Variants in SCAPER observed in about 807,000 individuals in gnomAD.
SCAPER encodes the protein S-phase cyclin A associated protein in the ER, also known as S phase cyclin A-associated protein in the endoplasmic reticulum.
Under a neutral mutation model 182.2 loss-of-function variants are expected in SCAPER, and 98 were observed. The observed-to-expected ratio is 0.54, with a 90% CI of 0.46 to 0.64. SCAPER has a LOEUF of 0.64. Ranked by LOEUF, SCAPER falls within the 30% of genes least tolerant of loss-of-function variation. The pLI is 0.00. For synonymous variants in SCAPER, 605 were observed against 564.6 expected (o/e 1.07, Z -1.01); for missense variants, 1,432 against 1,690.0 (o/e 0.85, Z 2.68).
intron 27 of SCAPER, among the ~76,000 whole-genome samples, chr15:76,388,623 T>C (rs182077225): frequency 6.6e-6 from 1 of 152,264 alleles, no homozygotes; most frequent in Non-Finnish European, 1.5e-5. Context: ...TAAGATTCTG[T>C]TCAATTCTGG....
intron 2 of SCAPER, among the ~76,000 whole-genome samples, chr15:76,867,928 T>G (rs2072413945): frequency 6.6e-6 from 1 of 151,946 alleles, no homozygotes; most frequent in Admixed American, 6.6e-5. Flanking sequence ...CTGGGTTTGC[T>G]TTTTTTTAAG....
chr15:76,359,183 T>C (rs1378904467), intron 29 of SCAPER, among the ~76,000 whole-genome samples: 1 of 152,188 alleles, frequency 6.6e-6, no homozygotes, highest in Admixed American at 6.5e-5. Context: ...GCTTCCTAAA[T>C]GCTTTCCATC....
intron 22 of SCAPER, among the ~76,000 whole-genome samples, chr15:76,579,677 T>C (rs527713029): frequency 1.3e-5 from 2 of 152,228 alleles, no homozygotes; most frequent in East Asian, 3.9e-4. Context: ...TCCTTACTTA[T>C]CAATAACTGG....
intron 21 of SCAPER, among the ~76,000 whole-genome samples, chr15:76,652,210 G>A (rs1227647040): frequency 2.9e-4 from 32 of 110,620 alleles, no homozygotes; most frequent in South Asian, 2.3e-3. Flanking sequence ...TTGAGGTCAT[G>A]AGTTCGAGAC....
At chr15:76,600,043 T>C (rs1210430007) in intron 22 of SCAPER, among the ~76,000 whole-genome samples, 2 of 121,316 alleles carry the variant, frequency 1.6e-5, no homozygotes, top group African/African-American at 2.5e-5. Flanking sequence ...GATGGATTGA[T>C]AATGGATAAA....
chr15:76,756,541 C>T (rs1405783543), intron 14 of SCAPER, among the ~76,000 whole-genome samples: 1 of 152,106 alleles, frequency 6.6e-6, no homozygotes, highest in Non-Finnish European at 1.5e-5. Context: ...TGCATCACTG[C>T]ACTCCATGCT....
At chr15:76,692,372 C>T (rs747852921) in intron 20 of SCAPER, among the ~76,000 whole-genome samples, 2 of 152,000 alleles carry the variant, frequency 1.3e-5, no homozygotes, top group African/African-American at 2.4e-5. Context: ...TAATGAGCCA[C>T]GTATTCACCT....
chr15:76,441,841 GC>G (rs1446636698), intron 25 of SCAPER, among the ~76,000 whole-genome samples: 2 of 151,952 alleles, frequency 1.3e-5, no homozygotes, highest in Non-Finnish European at 2.9e-5. Context: ...CAGAATATAA[GC>G]TCCACGAGAG....
Position 76,787,828 on chromosome 15 carries a change from A to G in SCAPER, c.772+7452T>C, listed in dbSNP as rs575155252. On this transcript the variant is annotated intron_variant, in intron 8 of 31. Transcript: ENST00000563290. ...ACAATGAATTCTTAGACTTGATGAC[A>G]AAAGTATGATCTATTAAAAAAAAAC... Among the ~76,000 whole-genome samples, 227 of 152,304 alleles carry G rather than the reference A, an allele frequency of 1.5e-3. 3 individuals are homozygous for G. Among genetic ancestry groups the G allele is most frequent in the Non-Finnish European group, 2.1e-4 (14 of 68,024 alleles).
At chr15:76,512,379 C>A (rs901943562) in intron 23 of SCAPER, among the ~76,000 whole-genome samples, 1 of 152,014 alleles carries the variant, frequency 6.6e-6, no homozygotes, top group Non-Finnish European at 1.5e-5. Context: ...ACTTCCTTAA[C>A]AACCATTAAG....
intron 17 of SCAPER, among the ~76,000 whole-genome samples, chr15:76,720,666 T>C (rs1035773945): frequency 2.0e-5 from 3 of 152,238 alleles, no homozygotes; most frequent in Non-Finnish European, 2.9e-5. Flanking sequence ...GATTTGCATT[T>C]CTCTGATGGA....
At chr15:76,487,971 T>A (rs1209753190) in intron 24 of SCAPER, among the ~76,000 whole-genome samples, 1 of 152,290 alleles carries the variant, frequency 6.6e-6, no homozygotes, top group East Asian at 1.9e-4. Context: ...TCAATACTAC[T>A]GGGGTGGTCA....
chr15:76,790,097 G>A (rs1338071117), intron 8 of SCAPER, among the ~76,000 whole-genome samples: 1 of 152,074 alleles, frequency 6.6e-6, no homozygotes, highest in Admixed American at 6.6e-5. Context: ...CAGGCGTGGT[G>A]GCGGGCGCCT....
In SCAPER at chr15:76,703,105, T is replaced by G. The variant is rs555457844; in HGVS notation, c.2248-103A>C. ...TTAAAACTTCAAAAATAATAGAATGTCGTTTCTATGACAACTTACACACTG... is the reference window on the plus strand; with the variant it reads ...TTAAAACTTCAAAAATAATAGAATGGCGTTTCTATGACAACTTACACACTG... On this transcript the variant is annotated intron_variant, in intron 18 of 31. Transcript: ENST00000563290. 4 of 1,287,056 alleles carry G rather than the reference T, an allele frequency of 3.1e-6. No homozygotes were observed. In the African/African-American group the frequency reaches 6.0e-5, roughly 19 times the overall value. The allele number at this position is 1,287,056 out of a possible 1,614,324, so 79.7% of individuals were successfully genotyped here.
intron 20 of SCAPER, among the ~76,000 whole-genome samples, chr15:76,697,885 C>T (rs1448489862): frequency 2.6e-5 from 4 of 152,090 alleles, no homozygotes; most frequent in Non-Finnish European, 5.9e-5. Flanking sequence ...GGTGATCCAC[C>T]CACCTCAGCC....
intron 29 of SCAPER, among the ~76,000 whole-genome samples, chr15:76,363,918 T>C (rs2041627919): frequency 6.6e-6 from 1 of 152,198 alleles, no homozygotes; most frequent in Non-Finnish European, 1.5e-5. Flanking sequence ...ACCAAGTTTG[T>C]CACACCTGAA....
At chr15:76,904,703 C>CA (rs1394422189) in intron 1 of SCAPER, 2 of 152,376 alleles carry the variant, frequency 1.3e-5, no homozygotes, top group African/African-American at 2.4e-5. Context: ...CCACTACTCC[C>CA]AGGTGCGAGA....
In SCAPER at chr15:76,488,062, C is replaced by T. The variant is rs957358793; in HGVS notation, c.2955-16727G>A. On this transcript the variant is annotated intron_variant, in intron 24 of 31. Coordinates refer to ENST00000563290, the MANE Select transcript of SCAPER (RefSeq NM_020843.4). ...TCCCACCCCCAAGATAAAATACCTT[C>T]TGAATTTGTAATAATATTTCAAACT... Among the ~76,000 whole-genome samples, 10 of 152,164 alleles carry T rather than the reference C, an allele frequency of 6.6e-5. 1 individual carries two copies. Among genetic ancestry groups the T allele is most frequent in the Admixed American group, 4.6e-4 (7 of 15,276 alleles).
At chr15:76,820,410 C>T (rs375830380) in intron 5 of SCAPER, among the ~76,000 whole-genome samples, 2 of 151,768 alleles carry the variant, frequency 1.3e-5, no homozygotes, top group South Asian at 2.1e-4. Context: ...TATGCAGCCA[C>T]AAAAAATGAT....
Sources: gnomAD v4.1 joint callset for allele counts (sites outside exome capture counted in the v4.1 genomes callset) on GRCh38, gnomAD v4.1.1 for gene constraint, MANE v1.5 for transcripts, NCBI Gene and HGNC (gene_info 2026-07-23, HGNC 2026-07-21) for gene names.